Variants in PDE4D observed in about 807,000 individuals in gnomAD.
PDE4D encodes 3',5'-cyclic-AMP phosphodiesterase 4D.
A neutral mutation model predicts 87.4 loss-of-function variants in PDE4D; 24 were observed. The observed-to-expected ratio is 0.27, with a 90% CI of 0.20 to 0.39. PDE4D has a LOEUF of 0.39. Ranked by LOEUF, PDE4D falls within the 10% of genes least tolerant of loss-of-function variation. The pLI is 1.00. For missense variants in PDE4D, 714 were observed against 1,041.0 expected (o/e 0.69, Z 4.32); for synonymous variants, 384 against 383.2 (o/e 1.00, Z -0.02).
chr5:60,326,830 TA>T (rs1756839179), intron 1 of PDE4D, among the ~76,000 whole-genome samples: 1 of 152,146 alleles, frequency 6.6e-6, no homozygotes, highest in Admixed American at 6.5e-5. Flanking sequence ...CGGTCATTTT[TA>T]AAGTCGTTCA....
At chr5:59,925,026 T>G (rs997950205) in intron 3 of PDE4D, among the ~76,000 whole-genome samples, 3 of 151,652 alleles carry the variant, frequency 2.0e-5, no homozygotes, top group African/African-American at 7.3e-5. Context: ...ATACAAAAAA[T>G]TAGCTGGGTG....
chr5:60,019,900 T>TA (rs1336306221), intron 2 of PDE4D, among the ~76,000 whole-genome samples: 146 of 152,308 alleles, frequency 9.6e-4, no homozygotes, highest in African/African-American at 3.3e-3. Flanking sequence ...TTTATTTTTT[T>TA]TTTTTGCATT....
chr5:60,223,520 C>T (rs1163872843), intron 1 of PDE4D, among the ~76,000 whole-genome samples: 1 of 152,072 alleles, frequency 6.6e-6, no homozygotes, highest in Admixed American at 6.6e-5. Flanking sequence ...CAAGACAGAG[C>T]TTCTCCTATT....
chr5:59,251,173 A>G (rs538922572), intron 1 of PDE4D, among the ~76,000 whole-genome samples: 1 of 152,328 alleles, frequency 6.6e-6, no homozygotes, highest in Admixed American at 6.5e-5. Flanking sequence ...AAAAATTGAC[A>G]AGTGGGATCT....
chr5:59,938,160 T>A (rs1756810438), intron 3 of PDE4D, among the ~76,000 whole-genome samples: 1 of 152,202 alleles, frequency 6.6e-6, no homozygotes, highest in African/African-American at 2.4e-5. Flanking sequence ...AGGGACAGAT[T>A]TATTAAATAG....
At chr5:60,137,493 T>C (rs1432143263) in intron 2 of PDE4D, among the ~76,000 whole-genome samples, 1 of 152,200 alleles carries the variant, frequency 6.6e-6, no homozygotes, top group Non-Finnish European at 1.5e-5. Context: ...CCATTCTGAC[T>C]GGTGTGAGAT....
chr5:60,010,953 A>G (rs1764965923), intron 2 of PDE4D, among the ~76,000 whole-genome samples: 3 of 152,204 alleles, frequency 2.0e-5, no homozygotes, highest in Admixed American at 2.0e-4. Flanking sequence ...AAGGCCATGC[A>G]TATGTGAGAT....
chr5:60,004,071 G>A (rs1764257546), intron 2 of PDE4D, among the ~76,000 whole-genome samples: 1 of 152,068 alleles, frequency 6.6e-6, no homozygotes, highest in South Asian at 2.1e-4. Flanking sequence ...ACTCCTGGAA[G>A]AAAACAGGTG....
chr5:60,226,860 C>A (rs1420139994), intron 1 of PDE4D, among the ~76,000 whole-genome samples: 1 of 150,906 alleles, frequency 6.6e-6, no homozygotes, highest in East Asian at 2.0e-4. Flanking sequence ...CACACACCAC[C>A]TGGATATTAA....
At chr5:59,553,015 CTCTGTGCCTGACA>C (rs1818362707) in intron 1 of PDE4D, among the ~76,000 whole-genome samples, 1 of 152,162 alleles carries the variant, frequency 6.6e-6, no homozygotes, top group Non-Finnish European at 1.5e-5. Flanking sequence ...CTCAGAAAGT[CTCTGTGCCTGACA>C]TCTTTTGAAG....
chr5:60,220,346 A>G (rs535418369), intron 1 of PDE4D, among the ~76,000 whole-genome samples: 2 of 152,250 alleles, frequency 1.3e-5, no homozygotes, highest in East Asian at 3.9e-4. Flanking sequence ...CTTGCTACAT[A>G]TGGTCTTCAT....
intron 5 of PDE4D, among the ~76,000 whole-genome samples, chr5:59,177,080 C>A (rs748829462): frequency 3.9e-5 from 6 of 152,098 alleles, no homozygotes; most frequent in Admixed American, 6.5e-5. Flanking sequence ...TGCTTGTGTG[C>A]CCCTAAAATT....
At chr5:59,818,817 G>C (rs574476526) in intron 1 of PDE4D, among the ~76,000 whole-genome samples, 1 of 150,926 alleles carries the variant, frequency 6.6e-6, no homozygotes, top group African/African-American at 2.4e-5. Context: ...CTCTTATCAG[G>C]ATGAAGAATT....
intron 1 of PDE4D, among the ~76,000 whole-genome samples, chr5:59,351,486 A>G (rs922695830): frequency 2.0e-5 from 3 of 152,164 alleles, no homozygotes; most frequent in Non-Finnish European, 4.4e-5. Context: ...ATGACACAGG[A>G]TGGAGTTGAC....
intron 1 of PDE4D, among the ~76,000 whole-genome samples, chr5:59,758,158 A>G (rs887756015): frequency 6.6e-6 from 1 of 152,206 alleles, no homozygotes; most frequent in Non-Finnish European, 1.5e-5. Context: ...TCAAGTTTTA[A>G]TGCTATTGGT....
chr5:59,452,332 A>G (rs983152308), intron 1 of PDE4D, among the ~76,000 whole-genome samples: 2 of 152,230 alleles, frequency 1.3e-5, no homozygotes, highest in Non-Finnish European at 2.9e-5. Flanking sequence ...CGACTAAGCT[A>G]AAAGAAACAC....
intron 1 of PDE4D, among the ~76,000 whole-genome samples, chr5:60,292,105 G>A (rs952109641): frequency 6.6e-6 from 1 of 152,058 alleles, no homozygotes. Flanking sequence ...ACCCACAAGT[G>A]CATATTGAAA....
chr5:60,453,629 C>G (rs1423853893), intron 1 of PDE4D, among the ~76,000 whole-genome samples: 1 of 151,874 alleles, frequency 6.6e-6, no homozygotes, highest in East Asian at 1.9e-4. Context: ...AATTTCAAAA[C>G]AAGAAAAATC....
At chr5:59,496,658 G>A (rs1446635337) in intron 1 of PDE4D, among the ~76,000 whole-genome samples, 1 of 152,108 alleles carries the variant, frequency 6.6e-6, no homozygotes, top group Non-Finnish European at 1.5e-5. Context: ...GCCCCTCTTG[G>A]GTCAAAGGTT....
Sources: gnomAD v4.1 joint callset for allele counts (sites outside exome capture counted in the v4.1 genomes callset) on GRCh38, gnomAD v4.1.1 for gene constraint, MANE v1.5 for transcripts, NCBI Gene and HGNC (gene_info 2026-07-23, HGNC 2026-07-21) for gene names.